Variants in SMARCA2 observed in about 807,000 individuals in gnomAD.
SMARCA2 encodes the protein SWI/SNF-related matrix-associated actin-dependent regulator of chromatin subfamily A member 2.
Under a neutral mutation model 199.8 loss-of-function variants are expected in SMARCA2, and 61 were observed. The ratio of observed to expected loss-of-function variants is 0.31; its 90% CI spans 0.25 to 0.38. The LOEUF is 0.38. Ranked by LOEUF, SMARCA2 falls within the 10% of genes least tolerant of loss-of-function variation. SMARCA2 has a pLI of 1.00. For missense variants in SMARCA2, 1,344 were observed against 2,012.2 expected (o/e 0.67, Z 6.35); for synonymous variants, 935 against 732.0 (o/e 1.28, Z -4.48).
intron 5 of SMARCA2, chr9:2,047,787 G>T (rs1586645643): frequency 1.0e-5 from 2 of 194,972 alleles, no homozygotes; most frequent in East Asian, 2.2e-4. Flanking sequence ...GGGCTGGGAC[G>T]CTGAGTGTGT....
At position 2,086,293 on chromosome 9, in the gene SMARCA2, G is replaced by A. The variant is rs551987821; in HGVS notation, c.2527-536G>A. The stretch of plus-strand genomic sequence containing the variant: ...TCCAAACAAAACAAAACACACTTCC[G>A]GGCCAAGCCCTAAAGGTAGTAACCA... On this transcript the variant is annotated intron_variant, in intron 17 of 33. Transcript: ENST00000349721. The surrounding 1 kb of genome is among the most constrained non-coding windows in gnomAD (Gnocchi z 4.3). Among the ~76,000 whole-genome samples, 10 of 152,120 alleles carry A rather than the reference G, an allele frequency of 6.6e-5. No homozygotes were observed. Among genetic ancestry groups the A allele is most frequent in the Non-Finnish European group, 8.8e-5 (6 of 68,014 alleles).
intron 28 of SMARCA2, among the ~76,000 whole-genome samples, chr9:2,167,714 T>G (rs1210036424): frequency 6.6e-6 from 1 of 152,270 alleles, no homozygotes; most frequent in African/African-American, 2.4e-5. Flanking sequence ...CCTGAATTTT[T>G]AGTTCTCACA....
chr9:2,109,019 C>T (rs1822875260), intron 23 of SMARCA2, among the ~76,000 whole-genome samples: 1 of 152,206 alleles, frequency 6.6e-6, no homozygotes, highest in Admixed American at 6.5e-5. Flanking sequence ...GATTTGTTTT[C>T]TCCCTCTTCA....
chr9:2,180,637 C>T (rs1826958242), intron 29 of SMARCA2, among the ~76,000 whole-genome samples: 1 of 152,190 alleles, frequency 6.6e-6, no homozygotes, highest in African/African-American at 2.4e-5. Context: ...TATCACACAC[C>T]ACAAGCTGTT....
chr9:2,090,533 A>G (rs1822008743), intron 19 of SMARCA2, among the ~76,000 whole-genome samples: 1 of 152,190 alleles, frequency 6.6e-6, no homozygotes, highest in Non-Finnish European at 1.5e-5. Context: ...TGGAAGATAA[A>G]TGACTCTGTC....
At chr9:2,102,199 A>T (rs1822551011) in intron 22 of SMARCA2, among the ~76,000 whole-genome samples, 1 of 151,640 alleles carries the variant, frequency 6.6e-6, no homozygotes, top group Non-Finnish European at 1.5e-5. Flanking sequence ...TATTATTAGG[A>T]TGTAGTCATC....
At chr9:2,158,103 C>A in intron 27 of SMARCA2, 1 of 197,102 alleles carries the variant, frequency 5.1e-6, no homozygotes. Flanking sequence ...CACCCTGAGT[C>A]ATGAAAAACA....
chr9:2,049,498 T>C (rs1474373774), intron 5 of SMARCA2, among the ~76,000 whole-genome samples: 1 of 152,212 alleles, frequency 6.6e-6, no homozygotes, highest in African/African-American at 2.4e-5. Context: ...TTTTTCATAG[T>C]ATTATTATTG....
chr9:2,159,954 A>G (rs1164743627), intron 27 of SMARCA2: 2 of 1,578,470 alleles, frequency 1.3e-6, no homozygotes, highest in Admixed American at 1.8e-5. Flanking sequence ...CAGTAGAACT[A>G]CATCCCAGGC....
At chr9:2,059,647 T>A (rs1820499561) in intron 8 of SMARCA2, among the ~76,000 whole-genome samples, 1 of 152,216 alleles carries the variant, frequency 6.6e-6, no homozygotes, top group South Asian at 2.1e-4. Flanking sequence ...TGAAGTTTTT[T>A]ATCACTCTTT....
chr9:2,177,357 C>T, intron 29 of SMARCA2, among the ~76,000 whole-genome samples: 1 of 152,106 alleles, frequency 6.6e-6, no homozygotes, highest in Non-Finnish European at 1.5e-5. Context: ...CACATTTTAA[C>T]CCTTATTAAT....
chr9:2,124,751 A>G (rs1177039385), intron 27 of SMARCA2, among the ~76,000 whole-genome samples: 2 of 152,190 alleles, frequency 1.3e-5, no homozygotes, highest in Non-Finnish European at 2.9e-5. Flanking sequence ...TGGGCAGCAC[A>G]GAAATATCAA....
At chr9:2,088,252 G>A (rs1190283613) in intron 18 of SMARCA2, among the ~76,000 whole-genome samples, 1 of 152,164 alleles carries the variant, frequency 6.6e-6, no homozygotes, top group Non-Finnish European at 1.5e-5. Context: ...TAAAAAACTG[G>A]TGGCTTCCGG....
At chr9:2,041,243 T>G (rs570016061) in intron 4 of SMARCA2, 15 of 398,322 alleles carry the variant, frequency 3.8e-5, no homozygotes, top group Non-Finnish European at 6.2e-5. Flanking sequence ...GTTATAGCCT[T>G]AAGAATGGAT....
At chr9:2,024,096 T>C (rs914682262) in intron 1 of SMARCA2, among the ~76,000 whole-genome samples, 2 of 152,222 alleles carry the variant, frequency 1.3e-5, no homozygotes, top group African/African-American at 4.8e-5. Context: ...CCTTGTGCTT[T>C]CTTATGAAGT....
intron 27 of SMARCA2, among the ~76,000 whole-genome samples, chr9:2,129,963 C>G (rs1255892645): frequency 1.3e-5 from 2 of 152,132 alleles, no homozygotes; most frequent in African/African-American, 4.8e-5. Flanking sequence ...AAGCAATCCT[C>G]CTACCTCAGC....
At chr9:2,105,789 G>T (rs374568989) in intron 23 of SMARCA2, among the ~76,000 whole-genome samples, 2 of 152,154 alleles carry the variant, frequency 1.3e-5, no homozygotes, top group Non-Finnish European at 1.5e-5. Context: ...GTGGGGTTGT[G>T]GGGCTGTATT....
Position 2,159,074 on chromosome 9 carries a change from C to T in SMARCA2, c.3982-2612C>T, listed in dbSNP as rs764837679. 48 of 1,466,312 alleles carry T rather than the reference C, an allele frequency of 3.3e-5. No homozygotes were observed. The Admixed American group carries it at 9.3e-4, about 28-fold the overall frequency. 90.8% of individuals were successfully genotyped at this position (1,466,312 alleles called of 1,614,324 possible). ...TGTAATAAAAATTGTTTCAGTTGTT[C>T]TGTTTGCAATTTAATTTGTTTTCGC... On this transcript the variant is annotated intron_variant, in intron 27 of 33. Transcript: ENST00000349721.
At position 2,088,879 on chromosome 9, in the gene SMARCA2, A is replaced by ATTTTTTTTTT. The variant is rs375056248; in HGVS notation, c.2883+272_2883+281dup. Among the ~76,000 whole-genome samples the ATTTTTTTTTT allele has an allele frequency of 1.1e-4, 15 of 137,976 alleles. 2 individuals carry two copies. Among genetic ancestry groups the ATTTTTTTTTT allele is most frequent in the East Asian group, 4.2e-4 (2 of 4,806 alleles). The allele number at this position is 137,976 out of a possible 152,430, so 90.5% of individuals were successfully genotyped here. Reference sequence around the variant, plus strand: ...AGTCTCATTTACATTTTAATTTTAGATTTTTTTTTTTTTTTAAATTACGGA... The same window carrying ATTTTTTTTTT: ...AGTCTCATTTACATTTTAATTTTAGATTTTTTTTTTTTTTTTTTTTTTTTTAAATTACGGA... On this transcript the variant is annotated intron_variant, in intron 19 of 33. Transcript: ENST00000349721.
Sources: gnomAD v4.1 joint callset for allele counts (sites outside exome capture counted in the v4.1 genomes callset) on GRCh38, gnomAD v4.1.1 for gene constraint, Gnocchi (gnomAD v3.1) non-coding constraint, MANE v1.5 for transcripts, NCBI Gene and HGNC (gene_info 2026-07-23, HGNC 2026-07-21) for gene names.